TRPM3: variants seen among roughly 807,000 people sequenced by gnomAD.
TRPM3 encodes the protein long transient receptor potential channel 3.
In TRPM3, 77 loss-of-function variants were observed where a neutral mutation model predicts 181.2. That is an observed-to-expected ratio of 0.42 (90% CI 0.35 to 0.51). The LOEUF (loss-of-function observed/expected upper bound fraction) is 0.51. Among genes scored for constraint, TRPM3 ranks in the 20% least tolerant of loss-of-function variants. The probability of loss-of-function intolerance (pLI) is 0.01; values close to 1 mark genes in which losing one functional copy is unlikely to be tolerated. For missense variants in TRPM3, 1,759 were observed against 2,196.7 expected (o/e 0.80, Z 3.98); for synonymous variants, 745 against 796.4 (o/e 0.94, Z 1.09).
At chr9:70,624,089 C>A (rs2064085974) in intron 14 of TRPM3, among the ~76,000 whole-genome samples, 1 of 152,140 alleles carries the variant, frequency 6.6e-6, no homozygotes, top group Admixed American at 6.5e-5. Flanking sequence ...CCACCTCCAC[C>A]ATGACTTTGA....
chr9:71,006,831 A>G (rs2097679934), intron 1 of TRPM3, among the ~76,000 whole-genome samples: 2 of 145,872 alleles, frequency 1.4e-5, no homozygotes, highest in Non-Finnish European at 3.0e-5. Flanking sequence ...AGATCGCGCC[A>G]CTGCACTCCA....
chr9:70,581,111 G>A (rs1217543949), intron 22 of TRPM3, among the ~76,000 whole-genome samples: 1 of 152,212 alleles, frequency 6.6e-6, no homozygotes, highest in African/African-American at 2.4e-5. Context: ...ATACACAGAA[G>A]AGTCCATAAA....
At chr9:71,383,060 TTTTAAAC>T (rs1024968076) in intron 1 of TRPM3, among the ~76,000 whole-genome samples, 1 of 152,160 alleles carries the variant, frequency 6.6e-6, no homozygotes, top group African/African-American at 2.4e-5. Context: ...ACTAATTAGT[TTTTAAAC>T]TTTAATCATA....
intron 1 of TRPM3, among the ~76,000 whole-genome samples, chr9:71,192,517 T>A (rs995282786): frequency 2.6e-5 from 4 of 151,972 alleles, no homozygotes; most frequent in African/African-American, 4.8e-5. Context: ...TTAGTGATGT[T>A]GAGCATGTTT....
chr9:71,297,182 C>T (rs1050247618), intron 1 of TRPM3, among the ~76,000 whole-genome samples: 4 of 151,730 alleles, frequency 2.6e-5, no homozygotes, highest in Non-Finnish European at 4.4e-5. Flanking sequence ...TTAGTAGAGA[C>T]CAGGTTTTCT....
At chr9:70,641,805 A>C (rs1051028692) in intron 9 of TRPM3, among the ~76,000 whole-genome samples, 1 of 152,130 alleles carries the variant, frequency 6.6e-6, no homozygotes, top group Admixed American at 6.5e-5. Flanking sequence ...AAGCAGCTGG[A>C]GGGGAAGCTG....
At position 70,534,036 on chromosome 9, in the gene TRPM3, TA is replaced by T. The variant is rs2041254550; in HGVS notation, c.*1916del. The T allele has an allele frequency of 6.6e-6, 1 of 152,226 alleles. No individual in the cohort carries two copies. Among genetic ancestry groups the T allele is most frequent in the African/African-American group, 2.4e-5 (1 of 41,460 alleles). The allele number at this position is 152,226 out of a possible 1,614,324, so 9.4% of individuals were successfully genotyped here. A position where few individuals can be genotyped will look rare whatever the true frequency, so the allele number is the denominator to read the frequency against. On this transcript the variant is annotated 3_prime_UTR_variant, in exon 26 of 26. Transcript: ENST00000677713. ...GCCAGGAACAATAGATTGTTTTCCTTAAAGGCTTTATTCTTTTTTAAACGTT... is the reference window on the plus strand; with the variant it reads ...GCCAGGAACAATAGATTGTTTTCCTTAAGGCTTTATTCTTTTTTAAACGTT...
At chr9:71,376,207 C>T (rs1430779520) in intron 1 of TRPM3, among the ~76,000 whole-genome samples, 1 of 151,730 alleles carries the variant, frequency 6.6e-6, no homozygotes, top group Non-Finnish European at 1.5e-5. Flanking sequence ...TATAAAAGTC[C>T]ATTTCTTCTA....
chr9:71,388,062 G>A (rs1298560224), intron 1 of TRPM3, among the ~76,000 whole-genome samples: 1 of 152,102 alleles, frequency 6.6e-6, no homozygotes, highest in Non-Finnish European at 1.5e-5. Flanking sequence ...AGTAATCAAA[G>A]ACTTGTTAGT....
intron 18 of TRPM3, among the ~76,000 whole-genome samples, chr9:70,612,666 T>C (rs1312898725): frequency 6.6e-6 from 1 of 152,224 alleles, no homozygotes; most frequent in Non-Finnish European, 1.5e-5. Context: ...TAAGACTTAT[T>C]GAAGTGTGTA....
At chr9:71,200,825 C>T (rs28763610) in intron 1 of TRPM3, among the ~76,000 whole-genome samples, 63,479 of 149,848 alleles carry the variant, frequency 0.42, 13,792 homozygotes, top group East Asian at 0.51. Flanking sequence ...GACTCTTTAT[C>T]CAATTTGCCA....
intron 6 of TRPM3, chr9:70,809,938 C>T (rs751179869): frequency 1.9e-6 from 1 of 533,948 alleles, no homozygotes; most frequent in Admixed American, 1.9e-5. Context: ...ATGGTTATCC[C>T]AATGCATTTG....
At chr9:71,388,390 G>A (rs1036449638) in intron 1 of TRPM3, among the ~76,000 whole-genome samples, 1 of 152,082 alleles carries the variant, frequency 6.6e-6, no homozygotes, top group Non-Finnish European at 1.5e-5. Context: ...AATGTAAAAA[G>A]TGAGAAGAAA....
intron 9 of TRPM3, among the ~76,000 whole-genome samples, chr9:70,663,746 C>T (rs1264697387): frequency 1.3e-5 from 2 of 152,162 alleles, no homozygotes; most frequent in Non-Finnish European, 2.9e-5. Context: ...TACACCCTGG[C>T]TTCTTGGAGA....
chr9:71,031,993 A>AT (rs1221919683), intron 1 of TRPM3, among the ~76,000 whole-genome samples: 1 of 56,322 alleles, frequency 1.8e-5, no homozygotes, highest in Admixed American at 2.7e-4. Flanking sequence ...TATATTATAT[A>AT]TATATAATTA....
In TRPM3 at chr9:71,185,525, C is replaced by T. The variant is rs1406324321; in HGVS notation, c.183+261128G>A. Among the ~76,000 whole-genome samples the T allele has an allele frequency of 3.9e-5, 6 of 152,052 alleles. 1 individual carries two copies. ...CAGGTAAGAACTATACTGTTACTGA[C>T]GTAGACCTGGCTTCTTTTACTCAAA... is the stretch of plus-strand genomic sequence containing the variant. On this transcript the variant is annotated intron_variant, in intron 1 of 24. Transcript: ENST00000357533.
At chr9:71,096,560 GCACA>G (rs35388140) in intron 1 of TRPM3, among the ~76,000 whole-genome samples, 38 of 78,402 alleles carry the variant, frequency 4.8e-4, no homozygotes, top group African/African-American at 2.3e-3. Flanking sequence ...GTGAGCGCAT[GCACA>G]CACACACACA....
chr9:71,266,684 T>A (rs1452016552), intron 1 of TRPM3, among the ~76,000 whole-genome samples: 5 of 152,208 alleles, frequency 3.3e-5, no homozygotes, highest in African/African-American at 1.2e-4. Flanking sequence ...TTGTTGACTG[T>A]AGGCACAATG....
At chr9:70,835,845 T>C (rs541968144) in intron 5 of TRPM3, among the ~76,000 whole-genome samples, 2 of 152,228 alleles carry the variant, frequency 1.3e-5, no homozygotes, top group South Asian at 2.1e-4. Flanking sequence ...CAAAGGATAA[T>C]GGCTAAGAAT....
Sources: gnomAD v4.1 joint callset for allele counts (sites outside exome capture counted in the v4.1 genomes callset) on GRCh38, gnomAD v4.1.1 for gene constraint, MANE v1.5 for transcripts, NCBI Gene and HGNC (gene_info 2026-07-23, HGNC 2026-07-21) for gene names.